The following MARCHF3 variants were observed in gnomAD, a reference collection of about 807,000 sequenced individuals.
MARCHF3 encodes the protein membrane associated ring-CH-type finger 3, also known as E3 ubiquitin-protein ligase MARCHF3.
In MARCHF3, 13 loss-of-function variants were observed where a neutral mutation model predicts 24.2. The observed-to-expected ratio is 0.54, with a 90% CI of 0.35 to 0.85. The LOEUF (loss-of-function observed/expected upper bound fraction) is 0.85, where lower values mean the gene tolerates loss of function less well. Among genes scored for constraint, MARCHF3 ranks in the 40% least tolerant of loss-of-function variants. MARCHF3 has a pLI of 0.01. For synonymous variants in MARCHF3, 144 were observed against 137.3 expected, an observed-to-expected ratio of 1.05 and a Z score of -0.34; for missense variants, 276 against 325.0, an observed-to-expected ratio of 0.85 and a Z score of 1.16.
At chr5:126,949,280 C>T (rs983193742) in intron 1 of MARCHF3, among the ~76,000 whole-genome samples, 2 of 152,174 alleles carry the variant, frequency 1.3e-5, no homozygotes, top group East Asian at 3.9e-4. Context: ...AACTGATATC[C>T]CATTAAAGAT....
At chr5:126,892,117 G>A (rs1298944091) in intron 3 of MARCHF3, among the ~76,000 whole-genome samples, 1 of 151,244 alleles carries the variant, frequency 6.6e-6, no homozygotes, top group Non-Finnish European at 1.5e-5. Flanking sequence ...AAGAATGCTT[G>A]TGATTTTTGT....
intron 1 of MARCHF3, among the ~76,000 whole-genome samples, chr5:126,943,654 G>A (rs1749909697): frequency 6.6e-6 from 1 of 151,638 alleles, no homozygotes; most frequent in Non-Finnish European, 1.5e-5. Flanking sequence ...CACTTAGCCT[G>A]TATTATCTTA....
chr5:126,935,587 G>A (rs1244713890), intron 1 of MARCHF3, among the ~76,000 whole-genome samples: 5 of 139,280 alleles, frequency 3.6e-5, no homozygotes, highest in Admixed American at 7.2e-5. Flanking sequence ...TAAAAAGTAC[G>A]AATGTATATA....
At chr5:126,983,768 A>G (rs1055836544) in intron 1 of MARCHF3, among the ~76,000 whole-genome samples, 1 of 152,196 alleles carries the variant, frequency 6.6e-6, no homozygotes, top group African/African-American at 2.4e-5. Flanking sequence ...CGCAGGATGC[A>G]AAGGGTTCTC....
intron 1 of MARCHF3, among the ~76,000 whole-genome samples, chr5:126,922,529 T>TTTATTTAA (rs1217492542): frequency 1.3e-5 from 2 of 149,580 alleles, no homozygotes; most frequent in Admixed American, 6.6e-5. Flanking sequence ...TATTTATTTA[T>TTTATTTAA]TTATTTATTT....
intron 1 of MARCHF3, among the ~76,000 whole-genome samples, chr5:126,928,619 A>G (rs754372510): frequency 5.9e-5 from 9 of 152,270 alleles, no homozygotes; most frequent in Non-Finnish European, 1.2e-4. Flanking sequence ...TTTTATTATG[A>G]AAAGTGTCAA....
chr5:126,935,713 C>T (rs183556329), intron 1 of MARCHF3, among the ~76,000 whole-genome samples: 6 of 140,074 alleles, frequency 4.3e-5, no homozygotes, highest in East Asian at 4.3e-4. Context: ...TGGGTTCAAG[C>T]GATTCTCCTG....
At chr5:126,920,698 C>T (rs1749079921) in intron 1 of MARCHF3, among the ~76,000 whole-genome samples, 1 of 152,058 alleles carries the variant, frequency 6.6e-6, no homozygotes, top group Non-Finnish European at 1.5e-5. Flanking sequence ...TGCCTGTCGC[C>T]CAGGCATATA....
intron 3 of MARCHF3, chr5:126,914,635 T>G (rs537076560): frequency 2.0e-6 from 1 of 491,884 alleles, no homozygotes; most frequent in East Asian, 3.1e-5. Flanking sequence ...GATTGAAAAA[T>G]GGAGATCAAG....
intron 1 of MARCHF3, among the ~76,000 whole-genome samples, chr5:126,978,112 T>C (rs1751265830): frequency 6.6e-6 from 1 of 152,232 alleles, no homozygotes; most frequent in African/African-American, 2.4e-5. Context: ...TATTGTATGT[T>C]GGGAATCTTG....
intron 1 of MARCHF3, among the ~76,000 whole-genome samples, chr5:126,943,644 C>T (rs986878317): frequency 4.0e-5 from 6 of 151,734 alleles, no homozygotes; most frequent in Admixed American, 2.6e-4. Flanking sequence ...CTTCTCTAAG[C>T]ACTTAGCCTG....
intron 1 of MARCHF3, among the ~76,000 whole-genome samples, chr5:127,007,215 C>G (rs1299839286): frequency 6.6e-6 from 1 of 152,056 alleles, no homozygotes; most frequent in Admixed American, 6.5e-5. Context: ...ATAATTCCTT[C>G]CACAGCATTT....
chr5:126,950,088 C>G (rs1168640729), intron 1 of MARCHF3, among the ~76,000 whole-genome samples: 1 of 151,932 alleles, frequency 6.6e-6, no homozygotes, highest in Non-Finnish European at 1.5e-5. Flanking sequence ...TTTGCTTTTC[C>G]TCAGCCCCTT....
intron 1 of MARCHF3, among the ~76,000 whole-genome samples, chr5:126,991,341 T>C (rs1370628977): frequency 6.6e-6 from 1 of 152,000 alleles, no homozygotes; most frequent in South Asian, 2.1e-4. Flanking sequence ...AGGTGGGAAC[T>C]GAACAATGAG....
At chr5:126,870,868 T>G (rs1439434989) in intron 4 of MARCHF3, 77 bp from the exon 5 acceptor site, 4 of 1,564,312 alleles carry the variant, frequency 2.6e-6, no homozygotes, top group Non-Finnish European at 3.5e-6. Flanking sequence ...GAAACAAATA[T>G]GTCATTTGAA....
chr5:126,929,875 G>A (rs949490833), intron 1 of MARCHF3, among the ~76,000 whole-genome samples: 1 of 152,136 alleles, frequency 6.6e-6, no homozygotes, highest in Non-Finnish European at 1.5e-5. Flanking sequence ...ATAAAGGAGA[G>A]TTCCCCTGCA....
chr5:126,906,616 T>C (rs1754307434), intron 3 of MARCHF3, among the ~76,000 whole-genome samples: 1 of 152,226 alleles, frequency 6.6e-6, no homozygotes, highest in Non-Finnish European at 1.5e-5. Flanking sequence ...GAGGTGTTTG[T>C]AGTATTCTCT....
At chr5:126,988,338 C>T (rs1751636950) in intron 1 of MARCHF3, among the ~76,000 whole-genome samples, 1 of 152,208 alleles carries the variant, frequency 6.6e-6, no homozygotes, top group Non-Finnish European at 1.5e-5. Flanking sequence ...GGGAAACCCA[C>T]ACCATCTGTG....
At chr5:126,917,888 G>T in intron 2 of MARCHF3, 96 bp downstream of exon 2, 18 of 1,191,388 alleles carry the variant, frequency 1.5e-5, no homozygotes, top group Middle Eastern at 2.1e-4. Flanking sequence ...CTGACACAAA[G>T]ACCTGAGCAC....
Sources: allele counts gnomAD v4.1 joint callset (sites outside exome capture counted in the v4.1 genomes callset), GRCh38; gene constraint gnomAD v4.1.1; transcripts MANE v1.5; gene names NCBI Gene and HGNC (gene_info 2026-07-23, HGNC 2026-07-21).